The following CAT variants were observed in gnomAD, a reference collection of about 807,000 sequenced individuals.
CAT encodes epididymis secretory sperm binding protein.
CAT carries 43 observed loss-of-function variants against 59.0 expected under a neutral mutation model. That is an observed-to-expected ratio of 0.73 (90% CI 0.57 to 0.94). The LOEUF (loss-of-function observed/expected upper bound fraction) is 0.94, where lower values mean the gene tolerates loss of function less well. Among genes scored for constraint, CAT ranks in the 40% least tolerant of loss-of-function variants. The pLI is 0.00. For missense variants in CAT, 664 were observed against 682.9 expected, an observed-to-expected ratio of 0.97 and a Z score of 0.31; for synonymous variants, 218 against 230.9, an observed-to-expected ratio of 0.94 and a Z score of 0.51.
intron 11 of CAT, among the ~76,000 whole-genome samples, chr11:34,470,402 T>C (rs767459068): frequency 3.9e-4 from 59 of 152,130 alleles, no homozygotes; most frequent in Admixed American, 1.4e-3. Context: ...TGTGGGTTTT[T>C]CTGGAGGTTT....
intron 10 of CAT, among the ~76,000 whole-genome samples, chr11:34,467,067 T>C (rs1470791063): frequency 1.3e-5 from 2 of 151,988 alleles, no homozygotes; most frequent in African/African-American, 2.4e-5. Context: ...CATGCAATAA[T>C]AGATGGAAGA....
intron 10 of CAT, among the ~76,000 whole-genome samples, chr11:34,465,161 G>T (rs901579127): frequency 1.3e-5 from 2 of 152,188 alleles, no homozygotes; most frequent in Non-Finnish European, 2.9e-5. Context: ...AGGTATAGTT[G>T]TTCTAGAGCT....
In CAT at chr11:34,466,805, GAAAAT is replaced by G. The variant is rs776793235; in HGVS notation, c.1327-1481_1327-1477del. Among the ~76,000 whole-genome samples the G allele has an allele frequency of 1.6e-3, 171 of 107,844 alleles. 1 individual carries two copies. The highest frequency in any genetic ancestry group is 3.7e-3 in the Admixed American group (39 of 10,448). The allele number at this position is 107,844 out of a possible 152,430, so 70.7% of individuals were successfully genotyped here. A position where few individuals can be genotyped will look rare whatever the true frequency, so the allele number is the denominator to read the frequency against. ...CAAAAAAAAAAAAAAAAAAAAAAAA[GAAAAT>G]AGATGACTGCTTGAAGAATTTAGTA... On this transcript the variant is annotated intron_variant, in intron 10 of 12. Transcript: ENST00000241052.
At chr11:34,461,688 A>C (rs779486557) in intron 9 of CAT, among the ~76,000 whole-genome samples, 2 of 152,246 alleles carry the variant, frequency 1.3e-5, no homozygotes, top group Admixed American at 1.3e-4. Context: ...GCTAGAGTAC[A>C]GTAACATCCA....
chr11:34,448,436 G>A (rs1011704022), intron 1 of CAT, among the ~76,000 whole-genome samples: 1 of 152,214 alleles, frequency 6.6e-6, no homozygotes, highest in African/African-American at 2.4e-5. Context: ...TGAGCTTCCA[G>A]GATCATGTGG....
At chr11:34,460,471 T>C (rs1031541800) in intron 8 of CAT, among the ~76,000 whole-genome samples, 6 of 136,026 alleles carry the variant, frequency 4.4e-5, no homozygotes, top group Admixed American at 2.3e-4. Context: ...TTTTTTTTTT[T>C]CTGATCTTGC....
intron 11 of CAT, among the ~76,000 whole-genome samples, chr11:34,468,789 G>GT (rs1856745830): frequency 6.6e-6 from 1 of 152,208 alleles, no homozygotes; most frequent in Non-Finnish European, 1.5e-5. Context: ...GCATGCACCT[G>GT]TAGTCCTAGC....
chr11:34,441,762 C>A (rs551784495), intron 1 of CAT, among the ~76,000 whole-genome samples: 1 of 152,092 alleles, frequency 6.6e-6, no homozygotes, highest in African/African-American at 2.4e-5. Flanking sequence ...TGACTGCACT[C>A]TAGCCTGGGT....
intron 11 of CAT, among the ~76,000 whole-genome samples, chr11:34,469,399 G>A (rs928848780): frequency 6.6e-6 from 1 of 152,152 alleles, no homozygotes; most frequent in African/African-American, 2.4e-5. Flanking sequence ...TTTCACATAT[G>A]CTGAAACTGT....
intron 9 of CAT, among the ~76,000 whole-genome samples, chr11:34,461,958 C>T (rs1856656819): frequency 6.6e-6 from 1 of 152,186 alleles, no homozygotes; most frequent in South Asian, 2.1e-4. Context: ...TCATTTTTTC[C>T]TAAGTGAATA....
Position 34,446,142 on chromosome 11 carries a change from A to C in CAT, c.67-3050A>C, listed in dbSNP as rs1404499727. On this transcript the variant is annotated intron_variant, in intron 1 of 12. Transcript: ENST00000241052. Reference sequence around the variant, plus strand: ...GTTCCTCTTATCCAATGTTGCGCTAAACATCCCCTGAAGTTGGGGGATCTT... The same window carrying C: ...GTTCCTCTTATCCAATGTTGCGCTACACATCCCCTGAAGTTGGGGGATCTT... 4.6e-5 allele frequency among the ~76,000 whole-genome samples: 7 copies of C among 152,214 alleles called. No individual in the cohort carries two copies. The East Asian group carries it at 1.4e-3, about 29-fold the overall frequency.
Position 34,449,197 on chromosome 11 carries a change from T to C in CAT, c.72T>C (p.Ala24=). ...TTCTTTCTGTGTTCCTGTAGAAAGCTGATGTCCTGACCACTGGAGCTGGTA... is the reference window on the plus strand; with the variant it reads ...TTCTTTCTGTGTTCCTGTAGAAAGCCGATGTCCTGACCACTGGAGCTGGTA... The part of the protein sequence containing the change: ...HWKEQRAAQK[A]DVLTTGAGNP... The change falls in exon 2 of 13, where the codon GCT becomes GCC. Residue 24 remains alanine (A), a synonymous_variant. Coordinates refer to ENST00000241052, the MANE Select transcript of CAT (RefSeq NM_001752.4). 2 of 1,614,092 alleles carry C rather than the reference T, an allele frequency of 1.2e-6. No homozygotes were observed. Among genetic ancestry groups the C allele is most frequent in the Non-Finnish European group, 1.7e-6 (2 of 1,179,922 alleles).
chr11:34,441,687 G>A (rs747382542), intron 1 of CAT, among the ~76,000 whole-genome samples: 38 of 152,286 alleles, frequency 2.5e-4, no homozygotes, highest in Non-Finnish European at 5.0e-4. Flanking sequence ...CCAGCTACTC[G>A]GGAAGTTGAG....
intron 1 of CAT, among the ~76,000 whole-genome samples, chr11:34,448,079 G>A (rs910584828): frequency 2.6e-5 from 4 of 152,168 alleles, no homozygotes; most frequent in African/African-American, 4.8e-5. Context: ...TTTTCAAACA[G>A]CTCACAGATC....
rs2234940 is a variant in CAT, at chr11:34,471,438, G to T, written c.*5G>T. 1 of 1,612,276 alleles carries T rather than the reference G, an allele frequency of 6.2e-7. No individual in the cohort carries two copies. Among genetic ancestry groups the T allele is most frequent in the Non-Finnish European group, 8.5e-7 (1 of 1,178,400 alleles). The stretch of plus-strand genomic sequence containing the variant: ...AGGGAGAAGGCAAATCTGTGAGGCC[G>T]GGGCCCTGCACCTGTGCAGCGAAGC... On this transcript the variant is annotated 3_prime_UTR_variant, in exon 13 of 13. Coordinates refer to ENST00000241052, the MANE Select transcript of CAT (RefSeq NM_001752.4).
intron 2 of CAT, 50 bp downstream of exon 2, chr11:34,449,413 G>A (rs1345253105): frequency 6.6e-6 from 10 of 1,515,214 alleles, no homozygotes; most frequent in Middle Eastern, 1.7e-4. Context: ...CAGCACCTGG[G>A]TCAAGTGTTA....
rs746033342 is a variant in CAT, at chr11:34,449,347, G to A, written c.222G>A (p.Val74=). The A allele has an allele frequency of 6.2e-7, 1 of 1,614,110 alleles. No homozygotes were observed. The highest frequency in any genetic ancestry group is 1.1e-5 in the South Asian group (1 of 91,082). Residue 74 remains valine (V), a synonymous_variant, in exon 2 of 13, where the codon GTG becomes GTA. Coordinates refer to ENST00000241052, the MANE Select transcript of CAT (RefSeq NM_001752.4). ...GAGAGAGAATTCCTGAGAGAGTTGT[G>A]CATGCTAAAGGAGCAGGTAAGTGCT... ...FDRERIPERV[V]HAKGAGAFGY...
At chr11:34,464,377 A>G in intron 10 of CAT, 142 bp downstream of exon 10, 1 of 905,766 alleles carries the variant, frequency 1.1e-6, no homozygotes. Flanking sequence ...GTAATAGTAA[A>G]TTGGGCCCCT....
In CAT at chr11:34,470,024, C is replaced by T. The variant is rs2133861114; in HGVS notation, c.1435-934C>T. The stretch of plus-strand genomic sequence containing the variant: ...CAATTCTGTAATTCTTTGACAGTAA[C>T]TGTGTGTCCTATAACTCAATTCAAT... On this transcript the variant is annotated intron_variant, in intron 11 of 12. Coordinates refer to ENST00000241052, the MANE Select transcript of CAT (RefSeq NM_001752.4). 1.3e-5 allele frequency among the ~76,000 whole-genome samples: 2 copies of T among 152,226 alleles called. 1 individual carries two copies. The highest frequency in any genetic ancestry group is 4.1e-4 in the South Asian group (2 of 4,824).
Sources: allele counts gnomAD v4.1 joint callset (sites outside exome capture counted in the v4.1 genomes callset), GRCh38; gene constraint gnomAD v4.1.1; transcripts MANE v1.5; gene names NCBI Gene and HGNC (gene_info 2026-07-23, HGNC 2026-07-21).